GALNTL6: variants seen among roughly 807,000 people sequenced by gnomAD.
GALNTL6 encodes polypeptide N-acetylgalactosaminyltransferase like 6.
GALNTL6 carries 46 observed loss-of-function variants against 73.7 expected under a neutral mutation model. That is an observed-to-expected ratio of 0.62 (90% CI 0.49 to 0.80). GALNTL6 has a LOEUF of 0.80. Among genes scored for constraint, GALNTL6 ranks in the 30% least tolerant of loss-of-function variants. The pLI is 0.00. For synonymous variants in GALNTL6, 259 were observed against 263.7 expected, an observed-to-expected ratio of 0.98 and a Z score of 0.17; for missense variants, 604 against 755.0, an observed-to-expected ratio of 0.80 and a Z score of 2.34.
At chr4:172,641,437 A>G (rs73869576) in intron 5 of GALNTL6, among the ~76,000 whole-genome samples, 2 of 151,940 alleles carry the variant, frequency 1.3e-5, no homozygotes, top group Non-Finnish European at 2.9e-5. Context: ...AGCTTACTAC[A>G]CTTCAGCCAA....
At chr4:172,985,543 A>C (rs945212758) in intron 10 of GALNTL6, among the ~76,000 whole-genome samples, 1 of 152,164 alleles carries the variant, frequency 6.6e-6, no homozygotes, top group Non-Finnish European at 1.5e-5. Flanking sequence ...ATACATGTAG[A>C]GTCAGCTAAA....
At chr4:172,677,024 G>A (rs748277100) in intron 5 of GALNTL6, among the ~76,000 whole-genome samples, 1 of 152,136 alleles carries the variant, frequency 6.6e-6, no homozygotes, top group Non-Finnish European at 1.5e-5. Flanking sequence ...GCAAGCTTTG[G>A]TTAGGCTCAC....
intron 5 of GALNTL6, among the ~76,000 whole-genome samples, chr4:172,525,608 A>G (rs1734924421): frequency 6.6e-6 from 1 of 152,158 alleles, no homozygotes; most frequent in African/African-American, 2.4e-5. Context: ...AACACTTACA[A>G]TCCCAGAGCT....
intron 5 of GALNTL6, among the ~76,000 whole-genome samples, chr4:172,779,402 C>T (rs1038947699): frequency 1.3e-5 from 2 of 152,066 alleles, no homozygotes; most frequent in Non-Finnish European, 2.9e-5. Context: ...GCCCAGTCAG[C>T]GTGCTTATCG....
chr4:171,950,851 T>C (rs1738856631), intron 2 of GALNTL6, among the ~76,000 whole-genome samples: 1 of 152,070 alleles, frequency 6.6e-6, no homozygotes, highest in South Asian at 2.1e-4. Flanking sequence ...TATGTTATTA[T>C]TTCTAAGACG....
chr4:172,007,450 A>G (rs1397327551), intron 2 of GALNTL6, among the ~76,000 whole-genome samples: 1 of 152,086 alleles, frequency 6.6e-6, no homozygotes, highest in African/African-American at 2.4e-5. Flanking sequence ...AGCAGCGATG[A>G]CAAAAAAAGA....
chr4:172,325,825 C>T (rs1461850733), intron 4 of GALNTL6, among the ~76,000 whole-genome samples: 2 of 151,206 alleles, frequency 1.3e-5, no homozygotes, highest in Admixed American at 1.3e-4. Flanking sequence ...TATAAATACC[C>T]AAAGAAAGCA....
intron 2 of GALNTL6, among the ~76,000 whole-genome samples, chr4:171,907,904 C>A (rs1302640271): frequency 1.3e-5 from 2 of 152,022 alleles, no homozygotes; most frequent in Admixed American, 6.6e-5. Context: ...AAAGGATTCC[C>A]TATTTAATAA....
At chr4:171,987,756 C>A (rs914190575) in intron 2 of GALNTL6, among the ~76,000 whole-genome samples, 5 of 151,970 alleles carry the variant, frequency 3.3e-5, no homozygotes, top group East Asian at 1.9e-4. Context: ...TGGTGTGTGG[C>A]GATTAGGCCT....
chr4:172,183,264 A>G (rs905556955), intron 2 of GALNTL6, among the ~76,000 whole-genome samples: 4 of 152,234 alleles, frequency 2.6e-5, no homozygotes, highest in African/African-American at 9.6e-5. Context: ...ATGCATAAAA[A>G]ACGATGAATA....
chr4:171,827,930 C>T (rs1055665006), intron 2 of GALNTL6, among the ~76,000 whole-genome samples: 1 of 151,716 alleles, frequency 6.6e-6, no homozygotes, highest in Non-Finnish European at 1.5e-5. Flanking sequence ...TGCAGACAAA[C>T]CATGTAGTCT....
At chr4:171,919,292 C>T (rs925664073) in intron 2 of GALNTL6, among the ~76,000 whole-genome samples, 5 of 151,420 alleles carry the variant, frequency 3.3e-5, no homozygotes, top group African/African-American at 1.2e-4. Context: ...AGACATAAAA[C>T]ATTATCCACA....
chr4:172,084,181 T>C (rs913233431), intron 2 of GALNTL6, among the ~76,000 whole-genome samples: 3 of 152,098 alleles, frequency 2.0e-5, no homozygotes, highest in African/African-American at 7.2e-5. Context: ...TGAGAGGTGA[T>C]TGATGACATT....
intron 5 of GALNTL6, among the ~76,000 whole-genome samples, chr4:172,627,198 C>A (rs1252645945): frequency 6.6e-6 from 1 of 152,078 alleles, no homozygotes; most frequent in Non-Finnish European, 1.5e-5. Context: ...AGGTTTTTAT[C>A]ATGAAGGGAT....
At chr4:172,462,775 G>A (rs1173069399) in intron 5 of GALNTL6, among the ~76,000 whole-genome samples, 2 of 152,192 alleles carry the variant, frequency 1.3e-5, no homozygotes, top group African/African-American at 4.8e-5. Context: ...AATTGGAATT[G>A]CGTCTATAAG....
chr4:172,653,484 G>C (rs1233512854), intron 5 of GALNTL6, among the ~76,000 whole-genome samples: 1 of 152,084 alleles, frequency 6.6e-6, no homozygotes, highest in East Asian at 1.9e-4. Context: ...GCCTCCCAAA[G>C]TGCTGGGATT....
intron 2 of GALNTL6, among the ~76,000 whole-genome samples, chr4:172,105,088 A>G (rs1257230648): frequency 6.6e-6 from 1 of 152,176 alleles, no homozygotes; most frequent in African/African-American, 2.4e-5. Context: ...AAATGTTCAA[A>G]GGGAAAAAAA....
chr4:172,578,361 G>A (rs889048290), intron 5 of GALNTL6, among the ~76,000 whole-genome samples: 2 of 152,200 alleles, frequency 1.3e-5, no homozygotes, highest in African/African-American at 4.8e-5. Flanking sequence ...GAGAGCACAC[G>A]TTCTTCAGCT....
In GALNTL6 at chr4:173,026,476, G is replaced by A. The variant is rs1278002638; in HGVS notation, c.1638+4851G>A. On this transcript the variant is annotated intron_variant, in intron 12 of 12. Transcript: ENST00000506823. ...GGAGAAAGTCCTTAAGCAGAGAGAT[G>A]CAGTGACATCCGGGCCAGCATGCAC... 2.0e-5 allele frequency among the ~76,000 whole-genome samples: 3 copies of A among 152,210 alleles called. No homozygotes were observed. The East Asian group carries it at 5.8e-4, about 29-fold the overall frequency.
Sources: allele counts gnomAD v4.1 joint callset (sites outside exome capture counted in the v4.1 genomes callset), GRCh38; gene constraint gnomAD v4.1.1; transcripts MANE v1.5; gene names NCBI Gene and HGNC (gene_info 2026-07-23, HGNC 2026-07-21).